Variants in KCNH7 observed in about 807,000 individuals in gnomAD.
The protein encoded by KCNH7 is potassium voltage-gated channel subfamily H member 7, also known as voltage-gated inwardly rectifying potassium channel KCNH7.
Under a neutral mutation model 120.8 loss-of-function variants are expected in KCNH7, and 49 were observed. The observed-to-expected ratio is 0.41, with a 90% CI of 0.32 to 0.51. The LOEUF (loss-of-function observed/expected upper bound fraction) is 0.51. Ranked by LOEUF, KCNH7 falls within the 20% of genes least tolerant of loss-of-function variation. KCNH7 has a pLI of 0.38. For synonymous variants in KCNH7, 547 were observed against 516.1 expected (o/e 1.06, Z -0.81); for missense variants, 1,097 against 1,446.6 (o/e 0.76, Z 3.92).
At chr2:162,741,926 T>C (rs1413727012) in intron 2 of KCNH7, among the ~76,000 whole-genome samples, 2 of 152,234 alleles carry the variant, frequency 1.3e-5, no homozygotes, top group Admixed American at 6.5e-5. Context: ...AATAGATTTA[T>C]AGATGCATAG....
rs184825471 is a variant in KCNH7 at position 162,804,511 on chromosome 2, A to C, written c.307+32026T>G. Among the ~76,000 whole-genome samples the C allele has an allele frequency of 4.2e-3, 632 of 152,114 alleles. 1 individual carries two copies. The highest frequency in any genetic ancestry group is 5.1e-3 in the Non-Finnish European group (348 of 67,882). The stretch of plus-strand genomic sequence containing the variant: ...ACAAAACAAAACAAAATAAACAAAC[A>C]AAAAACAACCTAGGAATGTATTTAA... On this transcript the variant is annotated intron_variant, in intron 2 of 15. Transcript: ENST00000332142.
intron 2 of KCNH7, among the ~76,000 whole-genome samples, chr2:162,748,927 T>TTTCCTTCC (rs1219510782): frequency 0.13 from 3,551 of 27,714 alleles, 333 homozygotes; most frequent in Non-Finnish European, 0.15. Flanking sequence ...TTCCCTTTCC[T>TTTCCTTCC]TTCCTTCCTT....
intron 2 of KCNH7, among the ~76,000 whole-genome samples, chr2:162,586,343 G>T (rs1198144666): frequency 6.6e-6 from 1 of 152,062 alleles, no homozygotes; most frequent in Non-Finnish European, 1.5e-5. Flanking sequence ...GAGAGCACCA[G>T]ACTCTGAAAA....
chr2:162,694,148 C>A (rs1447114279), intron 2 of KCNH7, among the ~76,000 whole-genome samples: 2 of 152,134 alleles, frequency 1.3e-5, no homozygotes, highest in South Asian at 4.1e-4. Context: ...AGTTTTAAAT[C>A]TCTTATCATT....
At chr2:162,631,293 T>C (rs1339280392) in intron 2 of KCNH7, among the ~76,000 whole-genome samples, 12 of 152,100 alleles carry the variant, frequency 7.9e-5, no homozygotes, top group Admixed American at 7.9e-4. Flanking sequence ...ATTTACATTT[T>C]ACATTTTTGT....
chr2:162,529,802 C>T (rs887698020), intron 3 of KCNH7, among the ~76,000 whole-genome samples: 23 of 151,698 alleles, frequency 1.5e-4, no homozygotes, highest in Non-Finnish European at 1.8e-4. Flanking sequence ...TCTTTCACTC[C>T]GTATTATTTC....
chr2:162,776,217 C>A (rs1331502274), intron 2 of KCNH7, among the ~76,000 whole-genome samples: 2 of 152,124 alleles, frequency 1.3e-5, no homozygotes, highest in African/African-American at 4.8e-5. Context: ...TCCTAGTGAA[C>A]CTTCTCTACC....
chr2:162,762,909 T>G (rs1287056564), intron 2 of KCNH7, among the ~76,000 whole-genome samples: 1 of 152,068 alleles, frequency 6.6e-6, no homozygotes, highest in African/African-American at 2.4e-5. Flanking sequence ...TCTATGAAAT[T>G]AAGGAACAAT....
intron 2 of KCNH7, among the ~76,000 whole-genome samples, chr2:162,724,486 A>C (rs896717007): frequency 6.6e-6 from 1 of 151,298 alleles, no homozygotes; most frequent in African/African-American, 2.4e-5. Flanking sequence ...TCCCGGCTAA[A>C]AAGGTGAAAC....
chr2:162,445,923 G>A, intron 7 of KCNH7, 95 bp downstream of exon 7: 1 of 940,892 alleles, frequency 1.1e-6, no homozygotes, highest in Non-Finnish European at 1.6e-6. Flanking sequence ...TGAGATACAA[G>A]AAGCTTGCAA....
At chr2:162,542,303 G>T (rs1411367939) in intron 2 of KCNH7, among the ~76,000 whole-genome samples, 2 of 150,484 alleles carry the variant, frequency 1.3e-5, no homozygotes, top group East Asian at 2.0e-4. Flanking sequence ...ACAATGTGCA[G>T]GTTAGTTACA....
intron 9 of KCNH7, among the ~76,000 whole-genome samples, chr2:162,401,632 G>A (rs1687066723): frequency 6.6e-6 from 1 of 151,886 alleles, no homozygotes; most frequent in Non-Finnish European, 1.5e-5. Context: ...GGATCCTACT[G>A]TGTATAGGAT....
chr2:162,811,188 G>A (rs894555612), intron 2 of KCNH7, among the ~76,000 whole-genome samples: 1 of 152,024 alleles, frequency 6.6e-6, no homozygotes, highest in African/African-American at 2.4e-5. Flanking sequence ...CCGAAGGCGT[G>A]CATACTTTTC....
At chr2:162,477,550 T>TA (rs911392298) in intron 6 of KCNH7, among the ~76,000 whole-genome samples, 2 of 151,922 alleles carry the variant, frequency 1.3e-5, no homozygotes, top group East Asian at 1.9e-4. Context: ...AGTCAGGCCC[T>TA]AAAAAAAAGC....
In KCNH7 at chr2:162,701,682, T is replaced by C. The variant is rs189936847; in HGVS notation, c.307+134855A>G. 2.4e-4 allele frequency among the ~76,000 whole-genome samples: 37 copies of C among 152,136 alleles called. No individual in the cohort carries two copies. In the East Asian group the frequency reaches 6.6e-3, roughly 27 times the overall value. On this transcript the variant is annotated intron_variant, in intron 2 of 15. Transcript: ENST00000332142. Reference sequence around the variant, plus strand: ...TTAAAATGAGGCTTAAGGGTTAGAGTTTAACTTTATAAACATTTAAGAGCA... The same window carrying C: ...TTAAAATGAGGCTTAAGGGTTAGAGCTTAACTTTATAAACATTTAAGAGCA...
chr2:162,528,523 A>T (rs1433980938), intron 3 of KCNH7, among the ~76,000 whole-genome samples: 2 of 151,944 alleles, frequency 1.3e-5, no homozygotes, highest in African/African-American at 4.8e-5. Context: ...ACATGATACA[A>T]ATTAGGTGGA....
At chr2:162,653,551 A>C (rs1684640625) in intron 2 of KCNH7, among the ~76,000 whole-genome samples, 1 of 152,196 alleles carries the variant, frequency 6.6e-6, no homozygotes, top group Non-Finnish European at 1.5e-5. Flanking sequence ...ACACTGATGA[A>C]AGAAACTGAA....
intron 2 of KCNH7, among the ~76,000 whole-genome samples, chr2:162,556,191 C>T (rs1692850144): frequency 2.0e-5 from 3 of 152,006 alleles, no homozygotes; most frequent in African/African-American, 4.8e-5. Flanking sequence ...TGGAAGGAAA[C>T]ACACACATCA....
At chr2:162,776,188 A>G (rs1683229141) in intron 2 of KCNH7, among the ~76,000 whole-genome samples, 1 of 152,160 alleles carries the variant, frequency 6.6e-6, no homozygotes, top group Non-Finnish European at 1.5e-5. Flanking sequence ...GTGTGGTGCT[A>G]GGAATATAAA....
Sources: gnomAD v4.1 joint callset for allele counts (sites outside exome capture counted in the v4.1 genomes callset) on GRCh38, gnomAD v4.1.1 for gene constraint, MANE v1.5 for transcripts, NCBI Gene and HGNC (gene_info 2026-07-23, HGNC 2026-07-21) for gene names.